GCN1: variants seen among roughly 807,000 people sequenced by gnomAD.
GCN1 encodes the protein stalled ribosome sensor GCN1.
GCN1 carries 90 observed loss-of-function variants against 288.4 expected under a neutral mutation model. That is an observed-to-expected ratio of 0.31 (90% CI 0.26 to 0.37). The LOEUF is 0.37. GCN1 is among the 10% of genes least tolerant of loss of function. GCN1 has a pLI of 1.00. For missense variants in GCN1, 2,586 were observed against 3,419.9 expected (o/e 0.76, Z 6.08); for synonymous variants, 1,386 against 1,420.2 (o/e 0.98, Z 0.54).
chr12:120,151,922 T>C (rs946577939), intron 33 of GCN1, among the ~76,000 whole-genome samples: 2 of 152,212 alleles, frequency 1.3e-5, no homozygotes, highest in African/African-American at 4.8e-5. Flanking sequence ...TGCTGGCAGG[T>C]GCCCAGGTGC....
intron 57 of GCN1, among the ~76,000 whole-genome samples, chr12:120,129,028 CG>C (rs1027914320): frequency 6.6e-6 from 1 of 151,820 alleles, no homozygotes; most frequent in Non-Finnish European, 1.5e-5. Context: ...TTAGTAGAGA[CG>C]GGGTTTCACC....
At chr12:120,132,320 A>G (rs913803517) in intron 53 of GCN1, among the ~76,000 whole-genome samples, 3 of 152,010 alleles carry the variant, frequency 2.0e-5, no homozygotes, top group African/African-American at 7.2e-5. Context: ...TTTACATAGC[A>G]TCTTTCTTCT....
At chr12:120,138,963 C>G (rs958970883) in intron 45 of GCN1, 107 bp from the exon 46 acceptor site, 1 of 857,910 alleles carries the variant, frequency 1.2e-6, no homozygotes, top group East Asian at 2.5e-5. Context: ...GCCACCCTAA[C>G]TCTCTTTGCC....
chr12:120,170,001 T>C (rs1342081086), intron 15 of GCN1, among the ~76,000 whole-genome samples, 168 bp downstream of exon 15: 1 of 152,206 alleles, frequency 6.6e-6, no homozygotes, highest in Non-Finnish European at 1.5e-5. Flanking sequence ...CCTGACTGCA[T>C]TCCCACTGCC....
At chr12:120,174,210 A>C (rs1388421339) in intron 12 of GCN1, 41 bp from the exon 13 acceptor site, 1 of 1,154,940 alleles carries the variant, frequency 8.7e-7, no homozygotes, top group South Asian at 1.2e-5. Flanking sequence ...ATCAGCACAG[A>C]ACCACAGAGG....
At chr12:120,178,146 G>A (rs928233384) in intron 7 of GCN1, among the ~76,000 whole-genome samples, 4 of 152,138 alleles carry the variant, frequency 2.6e-5, no homozygotes, top group Admixed American at 1.3e-4. Flanking sequence ...TCCTTCTTTA[G>A]AGTGATGTGT....
chr12:120,145,212 G>T, intron 39 of GCN1, 50 bp downstream of exon 39: 1 of 1,552,644 alleles, frequency 6.4e-7, no homozygotes, highest in Non-Finnish European at 8.8e-7. Context: ...ATCCATTTAT[G>T]GGGACTGGAT....
rs564085996 is a variant in GCN1, at chr12:120,137,213, G to A, written c.6770C>T (p.Pro2257Leu). The change falls in exon 50 of 58, where the codon CCG becomes CTG. Residue 2257 changes from proline (P) to leucine (L), a missense_variant. By Grantham distance (98) the Pro-to-Leu change is moderately conservative (BLOSUM62 -3). Coordinates refer to ENST00000300648, the MANE Select transcript of GCN1 (RefSeq NM_006836.2). The surrounding 1 kb of genome is among the most constrained non-coding windows in gnomAD (Gnocchi z 5.2). ...CACGAGGCCCTGGCTTACCTTCTTC[G>A]GGAGGCAGAATCCTGGCACATGCTC... Reference protein sequence around the residue: ...KGEHVPGFCLPKKGVTSILPV... With the variant: ...KGEHVPGFCLLKKGVTSILPV... 3.2e-5 allele frequency: 52 copies of A among 1,612,862 alleles called. No homozygotes were observed. The highest frequency in any genetic ancestry group is 2.3e-4 in the South Asian group (21 of 91,046).
rs200007746 is a variant in GCN1 at position 120,134,287 on chromosome 12, G to A, written c.7317+4C>T. 51 of 1,602,122 alleles carry A rather than the reference G, an allele frequency of 3.2e-5. No homozygotes were observed. The highest frequency in any genetic ancestry group is 5.5e-5 in the South Asian group (5 of 90,872). ...GCTGCCACTAGTCCTGCCTGCAGCC[G>A]TACCTCATCGTGTCCCAGCATGCTC... On this transcript the variant is annotated splice_donor_region_variant and intron_variant, in intron 53 of 57. Transcript: ENST00000300648. The surrounding 1 kb of genome is among the most constrained non-coding windows in gnomAD (Gnocchi z 5.0).
intron 57 of GCN1, among the ~76,000 whole-genome samples, chr12:120,128,573 T>C (rs1049039146): frequency 1.3e-5 from 2 of 152,074 alleles, no homozygotes; most frequent in Non-Finnish European, 1.5e-5. Flanking sequence ...TGACCTCCGG[T>C]GATCCGCCCA....
chr12:120,175,890 C>A lies in GCN1; in HGVS notation c.914-16G>T, dbSNP rs1320837066. On this transcript the variant is annotated splice_polypyrimidine_tract_variant and intron_variant, in intron 10 of 57. Coordinates refer to ENST00000300648, the MANE Select transcript of GCN1 (RefSeq NM_006836.2). Reference sequence around the variant, plus strand: ...TTCAGGTGACCTGCACACACAAAGCCACTGCTCAGAAGCAGCCAACAACTG... The same window carrying A: ...TTCAGGTGACCTGCACACACAAAGCAACTGCTCAGAAGCAGCCAACAACTG... 6.3e-7 allele frequency: 1 copy of A among 1,598,324 alleles called. No individual in the cohort carries two copies. Among genetic ancestry groups the A allele is most frequent in the Non-Finnish European group, 8.5e-7 (1 of 1,174,988 alleles).
intron 35 of GCN1, 61 bp from the exon 36 acceptor site, chr12:120,149,781 C>T (rs1000932717): frequency 6.6e-7 from 1 of 1,525,232 alleles, no homozygotes; most frequent in Non-Finnish European, 9.1e-7. Flanking sequence ...CAAGGCCTGA[C>T]ACCAGTCCTA....
Position 120,138,423 on chromosome 12 carries a change from G to C in GCN1, c.6157-8C>G, listed in dbSNP as rs11065033. Reference sequence around the variant, plus strand: ...TGACACCTCCTCGTCATCCTGCAGAGGGTGTTGGGGACAACCCTGAGGAAT... The same window carrying C: ...TGACACCTCCTCGTCATCCTGCAGACGGTGTTGGGGACAACCCTGAGGAAT... On this transcript the variant is annotated splice_region_variant and splice_polypyrimidine_tract_variant and intron_variant, in intron 46 of 57. Transcript: ENST00000300648. 4.3e-3 allele frequency: 6,747 copies of C among 1,559,242 alleles called. 275 individuals are homozygous for C. In the African/African-American group the frequency reaches 0.081, roughly 19 times the overall value.
chr12:120,155,097 CA>C lies in GCN1; in HGVS notation c.3631-58del, dbSNP rs1877697821. 2 of 1,552,812 alleles carry C rather than the reference CA, an allele frequency of 1.3e-6. No individual in the cohort carries two copies. The highest frequency in any genetic ancestry group is 3.3e-5 in the Admixed American group (2 of 59,934). ...ACGGGCAGATCAATGACCTGGGCAC[CA>C]GGATTGTGAGGCAGGAAACTAGCCG... On this transcript the variant is annotated intron_variant, in intron 30 of 57. Transcript: ENST00000300648. This position sits in a 1 kb window ranked among gnomAD's most constrained non-coding sequence, Gnocchi z 4.9.
chr12:120,186,980 C>G (rs546757540), intron 2 of GCN1, among the ~76,000 whole-genome samples: 3 of 152,274 alleles, frequency 2.0e-5, no homozygotes, highest in Admixed American at 6.5e-5. Context: ...AACTAGAGGG[C>G]TCTGCTGGGA....
At position 120,162,979 on chromosome 12, in the gene GCN1, G is replaced by C. The variant is rs1877978092; in HGVS notation, c.2039-8C>G. 1.2e-6 allele frequency: 2 copies of C among 1,614,112 alleles called. No homozygotes were observed. Among genetic ancestry groups the C allele is most frequent in the Non-Finnish European group, 1.7e-6 (2 of 1,180,038 alleles). On this transcript the variant is annotated splice_region_variant and splice_polypyrimidine_tract_variant and intron_variant, in intron 19 of 57. Coordinates refer to ENST00000300648, the MANE Select transcript of GCN1 (RefSeq NM_006836.2). ...GTCCAGACTGCACGGCAACTGAAGG[G>C]GAAGGGAGCTCTTTGAGGCCTTCTG... is the stretch of plus-strand genomic sequence containing the variant.
At chr12:120,182,550 G>C (rs190768018) in intron 5 of GCN1, among the ~76,000 whole-genome samples, 22 of 152,306 alleles carry the variant, frequency 1.4e-4, no homozygotes, top group African/African-American at 5.3e-4. Context: ...ACAACTCTTT[G>C]AGGTGGACAG....
At chr12:120,146,265 C>CAA (rs59213540) in intron 38 of GCN1, among the ~76,000 whole-genome samples, 13 of 61,280 alleles carry the variant, frequency 2.1e-4, no homozygotes, top group East Asian at 4.9e-4. Flanking sequence ...GACTCCATCT[C>CAA]AAAAAAAAAA....
At chr12:120,187,763 T>C (rs1448640220) in intron 2 of GCN1, among the ~76,000 whole-genome samples, 1 of 152,062 alleles carries the variant, frequency 6.6e-6, no homozygotes, top group East Asian at 1.9e-4. Flanking sequence ...CGATTTGAGT[T>C]GCTCCAATGG....
Sources: allele counts gnomAD v4.1 joint callset (sites outside exome capture counted in the v4.1 genomes callset), GRCh38; gene constraint gnomAD v4.1.1; non-coding constraint Gnocchi (gnomAD v3.1); transcripts MANE v1.5; gene names NCBI Gene and HGNC (gene_info 2026-07-23, HGNC 2026-07-21).